The following SMLR1 variants were observed in gnomAD, a reference collection of about 807,000 sequenced individuals.
The protein encoded by SMLR1 is small leucine-rich protein 1.
Under a neutral mutation model 6.1 loss-of-function variants are expected in SMLR1, and 3 were observed. That is an observed-to-expected ratio of 0.49 (90% CI 0.22 to 1.28). SMLR1 has a LOEUF of 1.28. Among genes scored for constraint, SMLR1 ranks in the 50% most tolerant of loss-of-function variants. The probability of loss-of-function intolerance (pLI) is 0.19; values close to 1 mark genes in which losing one functional copy is unlikely to be tolerated. For synonymous variants in SMLR1, 55 were observed against 53.6 expected (o/e 1.03, Z -0.11); for missense variants, 126 against 124.8 (o/e 1.01, Z -0.05).
intron 1 of SMLR1, among the ~76,000 whole-genome samples, chr6:130,828,268 T>G (rs758210110): frequency 3.9e-5 from 6 of 152,204 alleles, no homozygotes; most frequent in Non-Finnish European, 4.4e-5. Context: ...TGATTTGGAA[T>G]GGACATTCGG....
chr6:130,830,431 C>A (rs997229851), intron 1 of SMLR1, among the ~76,000 whole-genome samples: 4 of 152,082 alleles, frequency 2.6e-5, no homozygotes, highest in African/African-American at 9.7e-5. Context: ...CATGGCAGAA[C>A]AAAAATGTGT....
chr6:130,827,677 AACTTGGG>A (rs1774317497), intron 1 of SMLR1, 26 bp downstream of exon 1: 1 of 1,507,890 alleles, frequency 6.6e-7, no homozygotes, highest in South Asian at 1.2e-5. Context: ...CACAAGGAAG[AACTTGGG>A]CATCCTTTCC....
intron 1 of SMLR1, among the ~76,000 whole-genome samples, chr6:130,831,962 T>C (rs938771350): frequency 7.2e-5 from 11 of 152,294 alleles, no homozygotes; most frequent in Non-Finnish European, 1.6e-4. Context: ...GGAACATCAA[T>C]TTTCTCGCAA....
At chr6:130,830,889 C>CA (rs1774422962) in intron 1 of SMLR1, among the ~76,000 whole-genome samples, 1 of 152,166 alleles carries the variant, frequency 6.6e-6, no homozygotes, top group East Asian at 1.9e-4. Context: ...CATAAATAAC[C>CA]GCCCCCCCGC....
At chr6:130,830,702 G>T (rs914041660) in intron 1 of SMLR1, among the ~76,000 whole-genome samples, 1 of 152,124 alleles carries the variant, frequency 6.6e-6, no homozygotes, top group Non-Finnish European at 1.5e-5. Context: ...AGGTCATAAA[G>T]ACCTTGCTGA....
In SMLR1 at chr6:130,829,884, G is replaced by A. The variant is rs185791406; in HGVS notation, c.238+2233G>A. On this transcript the variant is annotated intron_variant, in intron 1 of 1. Transcript: ENST00000541421. ...AGCAAGCATGTCAGCCTCACACGATGAGGGTCCATGCTCACTGGGTAGAGT... is the reference window on the plus strand; with the variant it reads ...AGCAAGCATGTCAGCCTCACACGATAAGGGTCCATGCTCACTGGGTAGAGT... 2.0e-5 allele frequency among the ~76,000 whole-genome samples: 3 copies of A among 152,290 alleles called. No individual in the cohort carries two copies. In the East Asian group the frequency reaches 5.8e-4, roughly 29 times the overall value.
At chr6:130,830,996 T>C (rs1774427703) in intron 1 of SMLR1, among the ~76,000 whole-genome samples, 1 of 152,366 alleles carries the variant, frequency 6.6e-6, no homozygotes, top group Admixed American at 6.5e-5. Context: ...ATTCCTTTAC[T>C]TTCTTAATAA....
intron 1 of SMLR1, among the ~76,000 whole-genome samples, chr6:130,827,880 C>T (rs1774324836): frequency 6.6e-6 from 1 of 152,066 alleles, no homozygotes; most frequent in Non-Finnish European, 1.5e-5. Context: ...CTGTAGGGGG[C>T]CCTCACGTGT....
At chr6:130,832,564 A>T (rs936802986) in intron 1 of SMLR1, among the ~76,000 whole-genome samples, 7 of 152,182 alleles carry the variant, frequency 4.6e-5, no homozygotes, top group Admixed American at 2.6e-4. Flanking sequence ...TAAGGTTCTT[A>T]ACAGTGCCTG....
At chr6:130,831,350 T>C (rs1448401474) in intron 1 of SMLR1, among the ~76,000 whole-genome samples, 1 of 152,194 alleles carries the variant, frequency 6.6e-6, no homozygotes, top group Non-Finnish European at 1.5e-5. Context: ...CTATTTTTTT[T>C]TGGAGTAATT....
intron 1 of SMLR1, among the ~76,000 whole-genome samples, chr6:130,828,103 T>C (rs994819478): frequency 1.4e-4 from 22 of 152,242 alleles, no homozygotes; most frequent in African/African-American, 5.1e-4. Flanking sequence ...ACTGAACTTC[T>C]GGTCAGGGAA....
At chr6:130,828,273 A>C (rs143936444) in intron 1 of SMLR1, among the ~76,000 whole-genome samples, 36 of 152,322 alleles carry the variant, frequency 2.4e-4, no homozygotes, top group African/African-American at 8.2e-4. Context: ...TGGAATGGAC[A>C]TTCGGGTCTT....
At chr6:130,833,817 C>T (rs1196754442) in intron 1 of SMLR1, among the ~76,000 whole-genome samples, 1 of 152,124 alleles carries the variant, frequency 6.6e-6, no homozygotes. Context: ...CACATATGCA[C>T]CCTCCCTAAC....
At chr6:130,834,822 A>G (rs930241385) in intron 1 of SMLR1, 48 bp from the exon 2 acceptor site, 19 of 1,464,656 alleles carry the variant, frequency 1.3e-5, no homozygotes, top group Non-Finnish European at 1.7e-5. Context: ...TAAATGACCA[A>G]TGGCACTCAG....
chr6:130,827,858 T>C (rs1481208700), intron 1 of SMLR1, among the ~76,000 whole-genome samples: 1 of 151,046 alleles, frequency 6.6e-6, no homozygotes, highest in Non-Finnish European at 1.5e-5. Context: ...TGTGCTGAGA[T>C]GTGAAGGTCT....
Position 130,834,510 on chromosome 6 carries a change from G to C in SMLR1, c.239-360G>C, listed in dbSNP as rs1003562848. 3.3e-5 allele frequency among the ~76,000 whole-genome samples: 5 copies of C among 152,328 alleles called. No homozygotes were observed. The South Asian group carries it at 1.0e-3, about 32-fold the overall frequency. On this transcript the variant is annotated intron_variant, in intron 1 of 1. Transcript: ENST00000541421. ...AACTAATTTGACTTGTCTAAAGACT[G>C]TAAGTGCCCAGACACATTTTTGGGA...
At chr6:130,830,895 C>CG (rs914115245) in intron 1 of SMLR1, among the ~76,000 whole-genome samples, 5 of 152,212 alleles carry the variant, frequency 3.3e-5, no homozygotes, top group African/African-American at 1.2e-4. Context: ...TAACCGCCCC[C>CG]CCGCGTTTAG....
intron 1 of SMLR1, among the ~76,000 whole-genome samples, chr6:130,834,655 G>C (rs976123158): frequency 1.3e-5 from 2 of 152,096 alleles, no homozygotes; most frequent in Non-Finnish European, 2.9e-5. Flanking sequence ...GCTCTAACCA[G>C]GGCCATTCTT....
chr6:130,829,471 G>T (rs1456391051), intron 1 of SMLR1, among the ~76,000 whole-genome samples: 1 of 152,192 alleles, frequency 6.6e-6, no homozygotes, highest in Non-Finnish European at 1.5e-5. Flanking sequence ...CATCACAGGG[G>T]CTGATGCAGG....
Sources: allele counts gnomAD v4.1 joint callset (sites outside exome capture counted in the v4.1 genomes callset), GRCh38; gene constraint gnomAD v4.1.1; transcripts MANE v1.5; gene names NCBI Gene and HGNC (gene_info 2026-07-23, HGNC 2026-07-21).